Variants in TNIK observed in about 807,000 individuals in gnomAD.
TNIK encodes the protein TRAF2 and NCK interacting kinase.
A neutral mutation model predicts 191.3 loss-of-function variants in TNIK; 49 were observed. The observed-to-expected ratio is 0.26, with a 90% CI of 0.20 to 0.32. The LOEUF is 0.32. Among genes scored for constraint, TNIK ranks in the 10% least tolerant of loss-of-function variants. TNIK has a pLI of 1.00. For synonymous variants in TNIK, 594 were observed against 600.9 expected (o/e 0.99, Z 0.17); for missense variants, 1,155 against 1,702.3 (o/e 0.68, Z 5.66).
chr3:171,375,137 C>G (rs1717037721), intron 1 of TNIK, among the ~76,000 whole-genome samples: 1 of 152,182 alleles, frequency 6.6e-6, no homozygotes, highest in Non-Finnish European at 1.5e-5. Flanking sequence ...AAAATGTGGA[C>G]AGGATTACCT....
intron 23 of TNIK, among the ~76,000 whole-genome samples, chr3:171,090,414 CTTTT>C: frequency 6.7e-6 from 1 of 148,678 alleles, no homozygotes; most frequent in Middle Eastern, 3.7e-3. Context: ...TTTTTTCTTT[CTTTT>C]CTTTCTTTCT....
intron 13 of TNIK, 121 bp from the exon 14 acceptor site, chr3:171,139,677 C>A: frequency 2.5e-6 from 2 of 811,142 alleles, no homozygotes; most frequent in Non-Finnish European, 2.1e-6. Flanking sequence ...GAAAAATACC[C>A]AAATACCTTC....
At chr3:171,080,599 C>T (rs1394063569) in intron 27 of TNIK, among the ~76,000 whole-genome samples, 1 of 152,030 alleles carries the variant, frequency 6.6e-6, no homozygotes, top group Non-Finnish European at 1.5e-5. Context: ...CCAGCATGCT[C>T]AGCTAATTTT....
chr3:171,275,179 T>A (rs1449577112), intron 2 of TNIK, among the ~76,000 whole-genome samples: 1 of 152,064 alleles, frequency 6.6e-6, no homozygotes, highest in African/African-American at 2.4e-5. Context: ...AATTGGAAGA[T>A]TCAGAGAAAA....
chr3:171,211,000 G>C, intron 4 of TNIK, 116 bp downstream of exon 4: 1 of 1,291,524 alleles, frequency 7.7e-7, no homozygotes. Flanking sequence ...GGACATCATG[G>C]GGGCTAATGG....
At chr3:171,113,596 ACT>A (rs982232293) in intron 18 of TNIK, among the ~76,000 whole-genome samples, 4 of 148,582 alleles carry the variant, frequency 2.7e-5, no homozygotes, top group Non-Finnish European at 5.9e-5. Context: ...ACAGAGCGAG[ACT>A]CTGTCTGTCT....
chr3:171,104,233 T>C, intron 21 of TNIK, among the ~76,000 whole-genome samples: 1 of 152,142 alleles, frequency 6.6e-6, no homozygotes, highest in East Asian at 1.9e-4. Context: ...TTGTTTCTTA[T>C]CCGTCCAGTA....
intron 12 of TNIK, among the ~76,000 whole-genome samples, chr3:171,143,658 G>T (rs569563047): frequency 6.6e-6 from 1 of 152,246 alleles, no homozygotes; most frequent in Non-Finnish European, 1.5e-5. Flanking sequence ...TTGCAATCTA[G>T]ATTGAAAGCC....
rs112033699 is a variant in TNIK, at chr3:171,219,911, T to C, written c.180+8254A>G. On this transcript the variant is annotated intron_variant, in intron 3 of 32. Coordinates refer to ENST00000436636, the MANE Select transcript of TNIK (RefSeq NM_015028.4). ...TACTGGGTATATACCCAAAGGATTA[T>C]AAATCATTCTACTGTAAAGACACAT... 5.2e-3 allele frequency among the ~76,000 whole-genome samples: 790 copies of C among 152,316 alleles called. 6 individuals are homozygous for C. Among genetic ancestry groups the C allele is most frequent in the Admixed American group, 0.012 (188 of 15,296 alleles).
intron 2 of TNIK, among the ~76,000 whole-genome samples, chr3:171,332,113 A>G (rs993720224): frequency 6.6e-6 from 1 of 152,222 alleles, no homozygotes; most frequent in African/African-American, 2.4e-5. Context: ...AATCACCTAT[A>G]AAAATAGGCA....
chr3:171,441,866 G>C (rs1324527252), intron 1 of TNIK, among the ~76,000 whole-genome samples: 2 of 152,122 alleles, frequency 1.3e-5, no homozygotes, highest in Non-Finnish European at 2.9e-5. Flanking sequence ...ATAAAGGTTT[G>C]ACTTTATCAA....
intron 12 of TNIK, among the ~76,000 whole-genome samples, chr3:171,145,198 T>A (rs1250525944): frequency 1.3e-5 from 2 of 151,882 alleles, no homozygotes; most frequent in Admixed American, 1.3e-4. Context: ...GCCATTCTCC[T>A]GCCTCAGCCT....
intron 22 of TNIK, among the ~76,000 whole-genome samples, chr3:171,099,299 C>G (rs1181439374): frequency 3.9e-5 from 6 of 152,094 alleles, no homozygotes; most frequent in Non-Finnish European, 8.8e-5. Flanking sequence ...ATACACCATA[C>G]ATTCCCACCA....
intron 2 of TNIK, among the ~76,000 whole-genome samples, chr3:171,369,292 G>T (rs1009014059): frequency 6.6e-6 from 1 of 152,124 alleles, no homozygotes; most frequent in Admixed American, 6.5e-5. Context: ...GAAGTAGATG[G>T]CATTCTTTTC....
At chr3:171,206,083 T>C (rs1317328768) in intron 4 of TNIK, among the ~76,000 whole-genome samples, 1 of 152,164 alleles carries the variant, frequency 6.6e-6, no homozygotes, top group East Asian at 1.9e-4. Context: ...CAGCATCCTC[T>C]GTAATTGTCT....
At position 171,125,968 on chromosome 3, in the gene TNIK, T is replaced by C. The variant is rs202161463; in HGVS notation, c.1957A>G (p.Ile653Val). Residue 653 changes from isoleucine (I) to valine (V), a missense_variant, in exon 17 of 33, where the codon ATT becomes GTT. This residue lies in a region of TNIK where 735 missense variants were observed against 848.0 expected (regional missense o/e 0.87). Coordinates refer to ENST00000436636, the MANE Select transcript of TNIK (RefSeq NM_015028.4). ...TSENPPLPTR[I>V]EKFDRSSWLR... Reference sequence around the variant, plus strand: ...CAAGAGCTTCGGTCAAACTTTTCAATGCGAGTGGGGAGAGGAGGATTTTCC... The same window carrying C: ...CAAGAGCTTCGGTCAAACTTTTCAACGCGAGTGGGGAGAGGAGGATTTTCC... 6.2e-6 allele frequency: 10 copies of C among 1,613,950 alleles called. No homozygotes were observed. Among genetic ancestry groups the C allele is most frequent in the Non-Finnish European group, 8.5e-6 (10 of 1,179,886 alleles).
Position 171,066,704 on chromosome 3 carries a change from A to G in TNIK, c.3731T>C (p.Val1244Ala), listed in dbSNP as rs2108304605. The G allele has an allele frequency of 2.5e-6, 4 of 1,613,890 alleles. No individual in the cohort carries two copies. In the East Asian group the frequency reaches 8.9e-5, roughly 36 times the overall value. Residue 1244 changes from valine (V) to alanine (A), a missense_variant, in exon 31 of 33, where the codon GTC (valine) becomes GCC (alanine). This residue lies in a region of TNIK where 195 missense variants were observed against 415.4 expected (regional missense o/e 0.47). Transcript: ENST00000436636. ...IQGNITPHAI[V>A]ILPKTDGMEM... ...CATTCCATCTGTTTTAGGCAAGATG[A>G]CAATAGCATGAGGAGTGATATTGCC...
rs555788148 is a variant in TNIK, at chr3:171,106,892, A to T, written c.2406+291T>A. ...GCAAGTACAGGTTTGCTATTGGAAGATACTGGAAGGAGAAACTGCCATTAA... is the reference window on the plus strand; with the variant it reads ...GCAAGTACAGGTTTGCTATTGGAAGTTACTGGAAGGAGAAACTGCCATTAA... On this transcript the variant is annotated intron_variant, in intron 21 of 32. Coordinates refer to ENST00000436636, the MANE Select transcript of TNIK (RefSeq NM_015028.4). 2.7e-4 allele frequency: 134 copies of T among 505,580 alleles called. No individual in the cohort carries two copies. The highest frequency in any genetic ancestry group is 4.3e-4 in the Non-Finnish European group (112 of 262,616). 31.3% of individuals were successfully genotyped at this position (505,580 alleles called of 1,614,324 possible). A position where few individuals can be genotyped will look rare whatever the true frequency, so the allele number is the denominator to read the frequency against.
intron 7 of TNIK, among the ~76,000 whole-genome samples, chr3:171,187,813 C>CA: frequency 6.6e-6 from 1 of 152,114 alleles, no homozygotes; most frequent in Admixed American, 6.5e-5. Context: ...GTGAAAAGTC[C>CA]ATGCACCTCT....
Sources: gnomAD v4.1 joint callset for allele counts (sites outside exome capture counted in the v4.1 genomes callset) on GRCh38, gnomAD v4.1.1 for gene constraint, gnomAD v4.1.1 regional missense constraint, MANE v1.5 for transcripts, NCBI Gene and HGNC (gene_info 2026-07-23, HGNC 2026-07-21) for gene names.